Variants in ADAMTS9 observed in about 807,000 individuals in gnomAD.
ADAMTS9 encodes A disintegrin and metalloproteinase with thrombospondin motifs 9.
A neutral mutation model predicts 257.1 loss-of-function variants in ADAMTS9; 107 were observed. That is an observed-to-expected ratio of 0.42 (90% CI 0.36 to 0.49). ADAMTS9 has a LOEUF of 0.49. Among genes scored for constraint, ADAMTS9 ranks in the 20% least tolerant of loss-of-function variants. The pLI, the probability that ADAMTS9 is intolerant of heterozygous loss-of-function variation, is 0.03. For synonymous variants in ADAMTS9, 982 were observed against 880.9 expected (o/e 1.11, Z -2.03); for missense variants, 2,353 against 2,469.1 (o/e 0.95, Z 1.00).
chr3:64,646,673 T>C (rs1482586921), intron 11 of ADAMTS9, among the ~76,000 whole-genome samples: 1 of 152,246 alleles, frequency 6.6e-6, no homozygotes, highest in East Asian at 1.9e-4. Context: ...TATAAGTTTT[T>C]ATTTTCGCAT....
intron 11 of ADAMTS9, among the ~76,000 whole-genome samples, chr3:64,647,654 A>ATTTAATTTTAGAAATTAATTT (rs1700830776): frequency 6.6e-6 from 1 of 152,244 alleles, no homozygotes; most frequent in Non-Finnish European, 1.5e-5. Context: ...CCATAGGCAC[A>ATTTAATTTTAGAAATTAATTT]CTGTAATTTT....
At chr3:64,672,717 T>C (rs1001678366) in intron 3 of ADAMTS9, among the ~76,000 whole-genome samples, 1 of 152,158 alleles carries the variant, frequency 6.6e-6, no homozygotes, top group Non-Finnish European at 1.5e-5. Flanking sequence ...GGAATACGCA[T>C]ATTTCATATG....
chr3:64,683,231 G>C (rs753499624), intron 2 of ADAMTS9, among the ~76,000 whole-genome samples: 1 of 152,178 alleles, frequency 6.6e-6, no homozygotes, highest in Non-Finnish European at 1.5e-5. Context: ...AGCTGGTGAC[G>C]ATTTGCCACC....
chr3:64,565,192 C>T (rs2083511510), intron 29 of ADAMTS9, among the ~76,000 whole-genome samples: 1 of 152,222 alleles, frequency 6.6e-6, no homozygotes, highest in Non-Finnish European at 1.5e-5. Context: ...ACAAGCCACA[C>T]ATTTGCCACA....
intron 39 of ADAMTS9, among the ~76,000 whole-genome samples, 154 bp from the exon 40 acceptor site, chr3:64,517,275 T>C (rs898198777): frequency 1.5e-4 from 23 of 152,100 alleles, no homozygotes; most frequent in African/African-American, 4.6e-4. Flanking sequence ...ACAGTCTCAC[T>C]CTGTCACCGA....
intron 29 of ADAMTS9, among the ~76,000 whole-genome samples, chr3:64,563,601 G>A (rs557274612): frequency 1.3e-5 from 2 of 152,104 alleles, no homozygotes; most frequent in African/African-American, 2.4e-5. Context: ...TTCAACGAAG[G>A]CACGGTACTA....
At chr3:64,668,918 T>C (rs1038212931) in intron 3 of ADAMTS9, among the ~76,000 whole-genome samples, 1 of 152,172 alleles carries the variant, frequency 6.6e-6, no homozygotes, top group African/African-American at 2.4e-5. Flanking sequence ...ATCTCCCACA[T>C]TCTTTTGATA....
intron 16 of ADAMTS9, among the ~76,000 whole-genome samples, chr3:64,629,852 C>G (rs1334489010): frequency 6.6e-6 from 1 of 152,148 alleles, no homozygotes; most frequent in East Asian, 1.9e-4. Flanking sequence ...AAATATCATA[C>G]TTGATTAGCA....
chr3:64,676,649 C>T (rs1701630963), intron 3 of ADAMTS9, among the ~76,000 whole-genome samples: 1 of 151,814 alleles, frequency 6.6e-6, no homozygotes, highest in African/African-American at 2.4e-5. Context: ...CCATTATATG[C>T]CTGCCCCATA....
rs553402166 is a variant in ADAMTS9, at chr3:64,585,633, C to T, written c.4356+8625G>A. Among the ~76,000 whole-genome samples, 3 of 152,220 alleles carry T rather than the reference C, an allele frequency of 2.0e-5. No individual in the cohort carries two copies. The East Asian group carries it at 5.8e-4, about 29-fold the overall frequency. The stretch of plus-strand genomic sequence containing the variant: ...GCATCTTACCTTCTGCAAGGAACCT[C>T]ATCACCATGAACAGATGTAAAGTCA... On this transcript the variant is annotated intron_variant, in intron 28 of 39. Transcript: ENST00000498707.
Position 64,641,959 on chromosome 3 carries a change from A to C in ADAMTS9, c.1745T>G (p.Met582Arg), listed in dbSNP as rs895159683. 1 of 1,613,998 alleles carries C rather than the reference A, an allele frequency of 6.2e-7. No homozygotes were observed. Among genetic ancestry groups the C allele is most frequent in the African/African-American group, 1.3e-5 (1 of 74,910 alleles). Residue 582 changes from methionine to arginine, a missense_variant, in exon 12 of 40, where the codon ATG (methionine) becomes AGG (arginine). Met to Arg is a moderately conservative substitution (Grantham distance 91). This residue lies in a region of ADAMTS9 where 360 missense variants were observed against 458.1 expected (regional missense o/e 0.79). Coordinates refer to ENST00000498707, the MANE Select transcript of ADAMTS9 (RefSeq NM_182920.2). The stretch of plus-strand genomic sequence containing the variant: ...GGATCCATCTGTCACGGGGACATCC[A>C]TTTCTTTGGGAACACAAAATCCATA... ...CKYGFCVPKE[M>R]DVPVTDGSWG... is the part of the protein sequence containing the mutation.
intron 28 of ADAMTS9, among the ~76,000 whole-genome samples, chr3:64,578,047 T>G (rs2083898409): frequency 6.6e-6 from 1 of 152,202 alleles, no homozygotes. Context: ...ATTAATTTAC[T>G]TGTGGGTGGA....
intron 29 of ADAMTS9, 83 bp from the exon 30 acceptor site, chr3:64,561,834 G>A: frequency 1.7e-6 from 2 of 1,204,980 alleles, no homozygotes; most frequent in Admixed American, 2.0e-5. Context: ...CACAGAGGAG[G>A]GGAATGCACT....
At position 64,687,405 on chromosome 3, in the gene ADAMTS9, G is replaced by T; in HGVS notation, c.115+138C>A. On this transcript the variant is annotated intron_variant, in intron 1 of 39. Transcript: ENST00000498707. This position sits in a 1 kb window ranked among gnomAD's most constrained non-coding sequence, Gnocchi z 4.4. ...AATTGGTTGGGGATGACCCAAAGAA[G>T]GGAGAGGCTGCAAAGCGGGAGATAA... 1 of 762,450 alleles carries T rather than the reference G, an allele frequency of 1.3e-6. No homozygotes were observed. The highest frequency in any genetic ancestry group is 2.0e-6 in the Non-Finnish European group (1 of 495,746). 47.2% of individuals were successfully genotyped at this position (762,450 alleles called of 1,614,324 possible). A position where few individuals can be genotyped will look rare whatever the true frequency, so the allele number is the denominator to read the frequency against.
chr3:64,603,846 G>A (rs2084508484), intron 25 of ADAMTS9, 76 bp downstream of exon 25: 3 of 1,470,904 alleles, frequency 2.0e-6, no homozygotes, highest in Non-Finnish European at 1.9e-6. Flanking sequence ...TCCAAGTGGC[G>A]CCCCCCTCCG....
At chr3:64,554,062 T>C (rs2083301642) in intron 30 of ADAMTS9, among the ~76,000 whole-genome samples, 1 of 152,174 alleles carries the variant, frequency 6.6e-6, no homozygotes, top group African/African-American at 2.4e-5. Context: ...TCTGAGAAGA[T>C]CCTAATTATT....
chr3:64,585,301 G>T (rs1041876690), intron 28 of ADAMTS9, among the ~76,000 whole-genome samples: 1 of 152,070 alleles, frequency 6.6e-6, no homozygotes, highest in African/African-American at 2.4e-5. Context: ...GTTCCCAAGC[G>T]TAACTGTTTT....
At chr3:64,538,838 T>C (rs542246499) in intron 37 of ADAMTS9, among the ~76,000 whole-genome samples, 19 of 152,142 alleles carry the variant, frequency 1.2e-4, no homozygotes, top group African/African-American at 4.1e-4. Flanking sequence ...CTTTTTTTTT[T>C]AGAAGTGTCA....
In ADAMTS9 at chr3:64,686,436, T is replaced by C; in HGVS notation, c.516+132A>G. ...TAGCTACCCAAACCATACGAGTTTCTAGCTGATATTTAACGCCGGAGAGGA... is the reference window on the plus strand; with the variant it reads ...TAGCTACCCAAACCATACGAGTTTCCAGCTGATATTTAACGCCGGAGAGGA... On this transcript the variant is annotated intron_variant, in intron 2 of 39. Transcript: ENST00000498707. This position sits in a 1 kb window ranked among gnomAD's most constrained non-coding sequence, Gnocchi z 4.6. The C allele has an allele frequency of 7.8e-7, 1 of 1,279,848 alleles. No homozygotes were observed. The allele number at this position is 1,279,848 out of a possible 1,614,324, so 79.3% of individuals were successfully genotyped here. A position where few individuals can be genotyped will look rare whatever the true frequency, so the allele number is the denominator to read the frequency against.
Sources: allele counts gnomAD v4.1 joint callset (sites outside exome capture counted in the v4.1 genomes callset), GRCh38; gene constraint gnomAD v4.1.1; regional missense constraint gnomAD v4.1.1; non-coding constraint Gnocchi (gnomAD v3.1); transcripts MANE v1.5; gene names NCBI Gene and HGNC (gene_info 2026-07-23, HGNC 2026-07-21).